Variants in CHRDL1 observed in about 807,000 individuals in gnomAD.
The protein encoded by CHRDL1 is chordin like 1.
In CHRDL1, 19 loss-of-function variants were observed where a neutral mutation model predicts 40.9. That is an observed-to-expected ratio of 0.46 (90% confidence interval 0.32 to 0.68). The LOEUF is 0.68. CHRDL1 is among the 30% of genes least tolerant of loss of function. The pLI, the probability that CHRDL1 is intolerant of heterozygous loss-of-function variation, is 0.03. For missense variants in CHRDL1, 329 were observed against 352.1 expected (o/e 0.93, Z 0.53); for synonymous variants, 136 against 123.4 (o/e 1.10, Z -0.68).
chrX:110,689,290 T>G (rs1199791942), intron 8 of CHRDL1, among the ~76,000 whole-genome samples: 4 of 93,900 alleles, frequency 4.3e-5, no homozygotes, highest in Non-Finnish European at 8.3e-5. Flanking sequence ...AGAGATGGGG[T>G]CTCCCTATGT....
At chrX:110,701,913 G>C (rs2070522021) in intron 6 of CHRDL1, among the ~76,000 whole-genome samples, 1 of 111,849 alleles carries the variant, frequency 8.9e-6, no homozygotes. Context: ...GCTTGAAAAC[G>C]ACCTAAAAAT....
intron 6 of CHRDL1, among the ~76,000 whole-genome samples, chrX:110,705,304 T>TATATATAC (rs1491498596): frequency 2.6e-5 from 2 of 77,619 alleles, no homozygotes; most frequent in African/African-American, 1.1e-4. Flanking sequence ...TATATATATA[T>TATATATAC]ACACACACAC....
rs747586818 is a variant in CHRDL1 at position 110,759,697 on chromosome X, C to T, written c.265G>A (p.Val89Met). The T allele has an allele frequency of 8.3e-7, 1 of 1,206,299 alleles. No homozygotes were observed. The highest frequency in any genetic ancestry group is 1.8e-5 in the South Asian group (1 of 56,842). ...GGGCAGCACAGATGAGGAATATGCA[C>T]AGGAGAAAGGCAATGAACATTTGGA... ...RCPNVHCLSP[V>M]HIPHLCCPRC... The change falls in exon 4 of 12, where the codon GTG becomes ATG. Residue 89 changes from valine to methionine, a missense_variant. Transcript: ENST00000372042.
At chrX:110,742,254 C>CATCA (rs1265872020) in intron 4 of CHRDL1, among the ~76,000 whole-genome samples, 1 of 111,516 alleles carries the variant, frequency 9.0e-6, no homozygotes, top group Non-Finnish European at 1.9e-5. Flanking sequence ...CCTTGTCTAC[C>CATCA]ATCAAGTCTA....
intron 7 of CHRDL1, among the ~76,000 whole-genome samples, chrX:110,698,029 C>T (rs751747248): frequency 9.0e-6 from 1 of 111,445 alleles, no homozygotes; most frequent in Non-Finnish European, 1.9e-5. Context: ...CTTGCTAAGC[C>T]GATGGTTTTC....
chrX:110,683,195 C>G (rs906570274), intron 9 of CHRDL1, among the ~76,000 whole-genome samples: 2 of 112,065 alleles, frequency 1.8e-5, no homozygotes, highest in Admixed American at 1.9e-4. Flanking sequence ...TTTACTTGAC[C>G]GAAGGGATCT....
intron 6 of CHRDL1, among the ~76,000 whole-genome samples, chrX:110,716,599 G>A (rs1433278888): frequency 1.8e-5 from 2 of 110,732 alleles, no homozygotes; most frequent in Non-Finnish European, 3.8e-5. Context: ...TGGAAGAAGT[G>A]GCAATTAGGC....
At chrX:110,692,512 T>C (rs1415645344) in intron 8 of CHRDL1, among the ~76,000 whole-genome samples, 1 of 111,747 alleles carries the variant, frequency 8.9e-6, no homozygotes, top group Non-Finnish European at 1.9e-5. Context: ...GTGGAAATTA[T>C]GGGATTTAGG....
At chrX:110,748,869 C>G (rs553890104) in intron 4 of CHRDL1, among the ~76,000 whole-genome samples, 1 of 111,956 alleles carries the variant, frequency 8.9e-6, no homozygotes, top group African/African-American at 3.2e-5. Flanking sequence ...TGAAAATGTT[C>G]TGGAGATGGA....
At chrX:110,697,833 C>G (rs183824696) in intron 7 of CHRDL1, among the ~76,000 whole-genome samples, 1 of 83,137 alleles carries the variant, frequency 1.2e-5, no homozygotes, top group African/African-American at 8.1e-5. Context: ...CACACACACA[C>G]ACACACACAC....
intron 9 of CHRDL1, among the ~76,000 whole-genome samples, chrX:110,684,168 A>T (rs1569459541): frequency 8.9e-6 from 1 of 112,202 alleles, no homozygotes; most frequent in Non-Finnish European, 1.9e-5. Context: ...AAGCAAGGTC[A>T]GCCTCTACCA....
At chrX:110,721,350 G>C in intron 5 of CHRDL1, 35 bp downstream of exon 5, 1 of 1,183,654 alleles carries the variant, frequency 8.4e-7, no homozygotes, top group Non-Finnish European at 1.1e-6. Flanking sequence ...TATTTGAGTA[G>C]GGCCTAGCAG....
chrX:110,674,017 CA>C lies in CHRDL1; in HGVS notation c.*2213del, dbSNP rs1488080802. The C allele has an allele frequency of 8.9e-6, 1 of 112,212 alleles. No homozygotes were observed. The highest frequency in any genetic ancestry group is 1.9e-5 in the Non-Finnish European group (1 of 53,243). 9.2% of individuals were successfully genotyped at this position (112,212 alleles called of 1,213,427 possible). A position where few individuals can be genotyped will look rare whatever the true frequency, so the allele number is the denominator to read the frequency against. ...ACATGAGTTAACTAGAAAATGGCTACAACTGCTAAATGATGCTTATGGTCTT... is the reference window on the plus strand; with the variant it reads ...ACATGAGTTAACTAGAAAATGGCTACACTGCTAAATGATGCTTATGGTCTT... On this transcript the variant is annotated 3_prime_UTR_variant, in exon 12 of 12. Coordinates refer to ENST00000372042, the MANE Select transcript of CHRDL1 (RefSeq NM_001143981.2).
rs111588162 is a variant in CHRDL1 at position 110,703,717 on chromosome X, A to G, written c.542-2996T>C. Among the ~76,000 whole-genome samples, 946 of 112,359 alleles carry G rather than the reference A, an allele frequency of 8.4e-3. 9 individuals are homozygous for G. The highest frequency in any genetic ancestry group is 0.029 in the African/African-American group (905 of 30,940). On this transcript the variant is annotated intron_variant, in intron 6 of 11. Coordinates refer to ENST00000372042, the MANE Select transcript of CHRDL1 (RefSeq NM_001143981.2). ...CACTGAATGGGATGAGTGAGCAGTC[A>G]GATGTAATCGTAGAAAGCTTCCTGA...
chrX:110,684,098 T>G (rs2069956585), intron 9 of CHRDL1, among the ~76,000 whole-genome samples: 1 of 111,014 alleles, frequency 9.0e-6, no homozygotes, highest in Non-Finnish European at 1.9e-5. Flanking sequence ...GAGAAGTGAG[T>G]TGGGGAATCT....
intron 2 of CHRDL1, among the ~76,000 whole-genome samples, chrX:110,776,735 T>G (rs1387804998): frequency 3.6e-5 from 4 of 110,443 alleles, no homozygotes. Context: ...TACAGAGATT[T>G]CCCATATACC....
At chrX:110,696,948 G>T (rs2070398022) in intron 7 of CHRDL1, among the ~76,000 whole-genome samples, 1 of 110,906 alleles carries the variant, frequency 9.0e-6, no homozygotes, top group African/African-American at 3.3e-5. Flanking sequence ...CTAAACAAAT[G>T]AAAGAGACTT....
At position 110,674,503 on chromosome X, in the gene CHRDL1, ACAAACT is replaced by A. The variant is rs2069735540; in HGVS notation, c.*1722_*1727del. 1 of 108,387 alleles carries A rather than the reference ACAAACT, an allele frequency of 9.2e-6. No individual in the cohort carries two copies. The highest frequency in any genetic ancestry group is 1.9e-5 in the Non-Finnish European group (1 of 52,440). The allele number at this position is 108,387 out of a possible 1,213,427, so 8.9% of individuals were successfully genotyped here. ...CACACACACACACACACACACACACACAAACTAATGCTTTGTGACCTCTCAACCGGG... is the reference window on the plus strand; with the variant it reads ...CACACACACACACACACACACACACAAATGCTTTGTGACCTCTCAACCGGG... On this transcript the variant is annotated 3_prime_UTR_variant, in exon 12 of 12. Transcript: ENST00000372042.
At chrX:110,706,614 G>C (rs2070645199) in intron 6 of CHRDL1, among the ~76,000 whole-genome samples, 2 of 111,695 alleles carry the variant, frequency 1.8e-5, no homozygotes, top group African/African-American at 6.5e-5. Context: ...GAGGTAAACT[G>C]TCCTCTCAAA....
Sources: allele counts gnomAD v4.1 joint callset (sites outside exome capture counted in the v4.1 genomes callset), GRCh38; gene constraint gnomAD v4.1.1; transcripts MANE v1.5; gene names NCBI Gene and HGNC (gene_info 2026-07-23, HGNC 2026-07-21).